The following MGMT variants were observed in gnomAD, a reference collection of about 807,000 sequenced individuals.
MGMT encodes methylated-DNA--protein-cysteine methyltransferase.
In MGMT, 14 loss-of-function variants were observed where a neutral mutation model predicts 15.9. The observed-to-expected ratio is 0.88, with a 90% confidence interval of 0.58 to 1.37. The LOEUF is 1.37. Ranked by LOEUF, MGMT falls within the 40% of genes most tolerant of loss-of-function variation. The probability of loss-of-function intolerance (pLI) is 0.00; values close to 1 mark genes in which losing one functional copy is unlikely to be tolerated. For missense variants in MGMT, 282 were observed against 268.1 expected (o/e 1.05, Z -0.36); for synonymous variants, 130 against 118.2 (o/e 1.10, Z -0.65).
chr10:129,670,884 G>C (rs193189464), intron 2 of MGMT, among the ~76,000 whole-genome samples: 2 of 152,154 alleles, frequency 1.3e-5, no homozygotes, highest in East Asian at 3.8e-4. Context: ...TAATTTTTCT[G>C]TATGTGAAAA....
chr10:129,540,070 C>T (rs1846027893), intron 2 of MGMT, among the ~76,000 whole-genome samples: 1 of 152,150 alleles, frequency 6.6e-6, no homozygotes, highest in Non-Finnish European at 1.5e-5. Context: ...CTTTCATTGT[C>T]CTCGGCAGCG....
In MGMT at chr10:129,488,004, T is replaced by TACACACACACACACAC. The variant is rs373298935; in HGVS notation, c.-13+20730_-13+20745dup. Reference sequence around the variant, plus strand: ...ATACACACACACACACACATAGGTATACACACACACACACACACACACACA... The same window carrying TACACACACACACACAC: ...ATACACACACACACACACATAGGTATACACACACACACACACACACACACACACACACACACACACA... On this transcript the variant is annotated intron_variant, in intron 1 of 4. Coordinates refer to ENST00000651593, the MANE Select transcript of MGMT (RefSeq NM_002412.5). 4.9e-3 allele frequency among the ~76,000 whole-genome samples: 591 copies of TACACACACACACACAC among 121,468 alleles called. 5 individuals carry two copies. Among genetic ancestry groups the TACACACACACACACAC allele is most frequent in the Non-Finnish European group, 5.7e-3 (346 of 60,356 alleles). The allele number at this position is 121,468 out of a possible 152,430, so 79.7% of individuals were successfully genotyped here.
intron 2 of MGMT, among the ~76,000 whole-genome samples, chr10:129,660,622 T>C (rs1847585060): frequency 6.6e-6 from 1 of 152,210 alleles, no homozygotes; most frequent in African/African-American, 2.4e-5. Context: ...ATTATCTGAA[T>C]TGATTCCATC....
intron 1 of MGMT, among the ~76,000 whole-genome samples, chr10:129,476,988 C>T (rs933289765): frequency 2.0e-5 from 3 of 152,106 alleles, no homozygotes; most frequent in Non-Finnish European, 4.4e-5. Context: ...CTGTGGACCC[C>T]TCTCTCAGGC....
intron 3 of MGMT, among the ~76,000 whole-genome samples, chr10:129,737,698 G>C (rs1848580231): frequency 6.6e-6 from 1 of 152,138 alleles, no homozygotes; most frequent in Non-Finnish European, 1.5e-5. Context: ...TCTACCTTTG[G>C]TCTTTGATGA....
chr10:129,678,462 T>C (rs1441076671), intron 2 of MGMT, among the ~76,000 whole-genome samples: 1 of 152,134 alleles, frequency 6.6e-6, no homozygotes, highest in East Asian at 1.9e-4. Context: ...GCCAAGCTTG[T>C]GTAGCTGCTT....
chr10:129,676,039 G>A (rs1286414283), intron 2 of MGMT, among the ~76,000 whole-genome samples: 1 of 152,184 alleles, frequency 6.6e-6, no homozygotes, highest in African/African-American at 2.4e-5. Context: ...TGTGAGTGAG[G>A]GAGGGAAGGG....
At chr10:129,547,103 C>T (rs1340625655) in intron 2 of MGMT, among the ~76,000 whole-genome samples, 1 of 152,154 alleles carries the variant, frequency 6.6e-6, no homozygotes, top group Non-Finnish European at 1.5e-5. Flanking sequence ...CTGACAAGGA[C>T]GTTTGTTCAG....
At chr10:129,579,238 C>T (rs978382427) in intron 2 of MGMT, among the ~76,000 whole-genome samples, 2 of 152,222 alleles carry the variant, frequency 1.3e-5, no homozygotes, top group African/African-American at 2.4e-5. Context: ...TGAGATTACA[C>T]GGAGTGCTGT....
intron 2 of MGMT, among the ~76,000 whole-genome samples, chr10:129,648,823 A>T (rs1847425042): frequency 6.6e-6 from 1 of 152,336 alleles, no homozygotes; most frequent in African/African-American, 2.4e-5. Flanking sequence ...TAGCACTTAG[A>T]GATTCTCTGA....
intron 2 of MGMT, chr10:129,536,630 C>T (rs1564845561): frequency 5.3e-6 from 2 of 379,104 alleles, no homozygotes. Context: ...TCATTAGTAG[C>T]TCTAAGATGT....
intron 2 of MGMT, among the ~76,000 whole-genome samples, chr10:129,672,164 AT>A (rs1221706690): frequency 6.6e-6 from 1 of 152,048 alleles, no homozygotes; most frequent in Non-Finnish European, 1.5e-5. Flanking sequence ...TTGTATCTGT[AT>A]TTTTATATCA....
At chr10:129,478,239 T>TTC (rs1554901752) in intron 1 of MGMT, among the ~76,000 whole-genome samples, 3 of 121,294 alleles carry the variant, frequency 2.5e-5, no homozygotes, top group Non-Finnish European at 3.4e-5. Flanking sequence ...GTTGATTTTT[T>TTC]CCCCCCCTCC....
intron 2 of MGMT, among the ~76,000 whole-genome samples, chr10:129,670,568 A>G (rs1308018887): frequency 2.0e-5 from 3 of 152,214 alleles, no homozygotes; most frequent in Non-Finnish European, 4.4e-5. Context: ...AAATCAAAGA[A>G]ACCAATAGCT....
At chr10:129,611,788 G>C (rs868024976) in intron 2 of MGMT, among the ~76,000 whole-genome samples, 4 of 152,204 alleles carry the variant, frequency 2.6e-5, no homozygotes, top group African/African-American at 9.6e-5. Context: ...CGAGAGCAGC[G>C]GTGAAGTATG....
intron 2 of MGMT, among the ~76,000 whole-genome samples, chr10:129,680,555 T>C (rs1017531794): frequency 1.4e-5 from 2 of 138,864 alleles, no homozygotes; most frequent in African/African-American, 4.9e-5. Flanking sequence ...CCCCGTCTTA[T>C]CCACCCACCA....
At chr10:129,624,265 A>T (rs1336091276) in intron 2 of MGMT, among the ~76,000 whole-genome samples, 1 of 152,056 alleles carries the variant, frequency 6.6e-6, no homozygotes, top group East Asian at 1.9e-4. Flanking sequence ...AGCCCTGGGG[A>T]TGGTCCTGCT....
At chr10:129,737,668 T>A (rs1355933943) in intron 3 of MGMT, among the ~76,000 whole-genome samples, 2 of 152,362 alleles carry the variant, frequency 1.3e-5, no homozygotes, top group African/African-American at 4.8e-5. Context: ...CTCTGTTTTT[T>A]CCCCATCTTT....
rs531615348 is a variant in MGMT at position 129,697,778 on chromosome 10, C to G, written c.126-10117C>G. Among the ~76,000 whole-genome samples, 155 of 152,264 alleles carry G rather than the reference C, an allele frequency of 1.0e-3. 1 individual carries two copies. Among genetic ancestry groups the G allele is most frequent in the African/African-American group, 3.2e-3 (133 of 41,556 alleles). Reference sequence around the variant, plus strand: ...GTCAGCCACCTTGCCTGTGGCTGACCTTGGCTGTGTTCCTGAGAGAGTGAG... The same window carrying G: ...GTCAGCCACCTTGCCTGTGGCTGACGTTGGCTGTGTTCCTGAGAGAGTGAG... On this transcript the variant is annotated intron_variant, in intron 2 of 4. Transcript: ENST00000651593.
Sources: gnomAD v4.1 joint callset for allele counts (sites outside exome capture counted in the v4.1 genomes callset) on GRCh38, gnomAD v4.1.1 for gene constraint, MANE v1.5 for transcripts, NCBI Gene and HGNC (gene_info 2026-07-23, HGNC 2026-07-21) for gene names.